Variants in ERC2 observed in about 807,000 individuals in gnomAD.
The protein encoded by ERC2 is ELKS/RAB6-interacting/CAST family member 2, also known as ERC protein 2.
In ERC2, 42 loss-of-function variants were observed where a neutral mutation model predicts 114.8. The ratio of observed to expected loss-of-function variants is 0.37; its 90% confidence interval spans 0.29 to 0.47. ERC2 has a LOEUF of 0.47. ERC2 is among the 20% of genes least tolerant of loss of function. The probability of loss-of-function intolerance (pLI) is 0.99; values close to 1 mark genes in which losing one functional copy is unlikely to be tolerated. For synonymous variants in ERC2, 454 were observed against 425.5 expected, an observed-to-expected ratio of 1.07 and a Z score of -0.82; for missense variants, 939 against 1,150.7, an observed-to-expected ratio of 0.82 and a Z score of 2.66.
At chr3:56,346,076 T>C (rs976157293) in intron 2 of ERC2, among the ~76,000 whole-genome samples, 2 of 152,180 alleles carry the variant, frequency 1.3e-5, no homozygotes, top group African/African-American at 4.8e-5. Flanking sequence ...GATATGAATA[T>C]TTTTGAGGCT....
intron 14 of ERC2, among the ~76,000 whole-genome samples, chr3:55,839,442 A>C (rs2061035459): frequency 2.0e-5 from 3 of 151,948 alleles, no homozygotes; most frequent in African/African-American, 7.2e-5. Flanking sequence ...AAGATATTTT[A>C]TCTCATCATT....
chr3:56,034,539 T>C (rs2074672804), intron 7 of ERC2, among the ~76,000 whole-genome samples: 3 of 152,290 alleles, frequency 2.0e-5, no homozygotes, highest in East Asian at 1.9e-4. Context: ...ACACACACTT[T>C]ACAAGTGCAT....
intron 4 of ERC2, among the ~76,000 whole-genome samples, chr3:56,164,254 T>C (rs1449890010): frequency 5.9e-5 from 9 of 152,154 alleles, no homozygotes; most frequent in African/African-American, 2.2e-4. Flanking sequence ...GTAACTCTTC[T>C]TTCCTCCTTC....
At chr3:55,921,960 C>T (rs1298655815) in intron 13 of ERC2, among the ~76,000 whole-genome samples, 1 of 152,102 alleles carries the variant, frequency 6.6e-6, no homozygotes, top group African/African-American at 2.4e-5. Flanking sequence ...TTGCTAAATT[C>T]TAACGATTGT....
intron 14 of ERC2, among the ~76,000 whole-genome samples, chr3:55,878,024 A>G (rs756025792): frequency 2.5e-4 from 38 of 152,092 alleles, no homozygotes; most frequent in Non-Finnish European, 5.1e-4. Flanking sequence ...AGGAGGTTGG[A>G]AGGCCTGAAT....
At chr3:56,297,610 A>G (rs1333181521) in intron 2 of ERC2, among the ~76,000 whole-genome samples, 1 of 152,212 alleles carries the variant, frequency 6.6e-6, no homozygotes, top group African/African-American at 2.4e-5. Flanking sequence ...TTCTATCCCT[A>G]TGGACAAGCC....
At chr3:55,923,319 G>T (rs889505571) in intron 13 of ERC2, among the ~76,000 whole-genome samples, 7 of 152,078 alleles carry the variant, frequency 4.6e-5, no homozygotes, top group African/African-American at 1.7e-4. Flanking sequence ...CTCATTTGAG[G>T]TACTTAGAGT....
chr3:56,143,055 C>A (rs2080951771), intron 5 of ERC2, among the ~76,000 whole-genome samples: 1 of 152,180 alleles, frequency 6.6e-6, no homozygotes, highest in South Asian at 2.1e-4. Context: ...TCATCTTTTA[C>A]TTGGCTCAAA....
At chr3:55,947,310 T>C (rs1157079717) in intron 13 of ERC2, among the ~76,000 whole-genome samples, 1 of 152,162 alleles carries the variant, frequency 6.6e-6, no homozygotes, top group Admixed American at 6.5e-5. Context: ...AATTTTTCAT[T>C]ATGCATATGC....
chr3:55,857,120 C>A (rs1032392992), intron 14 of ERC2, among the ~76,000 whole-genome samples: 5 of 151,782 alleles, frequency 3.3e-5, no homozygotes, highest in Admixed American at 6.6e-5. Context: ...AATAAATGTA[C>A]CAAAAATCAC....
intron 10 of ERC2, among the ~76,000 whole-genome samples, chr3:56,001,429 G>A (rs1306095337): frequency 6.6e-6 from 1 of 151,940 alleles, no homozygotes; most frequent in Non-Finnish European, 1.5e-5. Context: ...AAAAACAATT[G>A]GACACCAAGA....
intron 17 of ERC2, among the ~76,000 whole-genome samples, chr3:55,625,394 A>G (rs1184816904): frequency 3.3e-5 from 5 of 151,368 alleles, no homozygotes; most frequent in African/African-American, 1.2e-4. Context: ...AAAAAAAGAA[A>G]AGAGAAAGAA....
chr3:56,324,850 C>T (rs555870844), intron 2 of ERC2, among the ~76,000 whole-genome samples: 46 of 152,050 alleles, frequency 3.0e-4, no homozygotes, highest in Non-Finnish European at 6.3e-4. Flanking sequence ...TGCTGTTCTT[C>T]CATCATGCCA....
At chr3:56,428,007 T>C (rs1472157829) in intron 2 of ERC2, among the ~76,000 whole-genome samples, 2 of 152,192 alleles carry the variant, frequency 1.3e-5, no homozygotes, top group Non-Finnish European at 2.9e-5. Context: ...GCACACACTT[T>C]GGAAATACTG....
intron 17 of ERC2, among the ~76,000 whole-genome samples, chr3:55,667,323 T>C (rs1303284928): frequency 6.6e-6 from 1 of 152,246 alleles, no homozygotes; most frequent in Non-Finnish European, 1.5e-5. Flanking sequence ...TAGCACATTG[T>C]AAAAGTGATG....
chr3:55,765,744 C>T (rs1470943219), intron 14 of ERC2, among the ~76,000 whole-genome samples: 5 of 152,098 alleles, frequency 3.3e-5, no homozygotes, highest in Admixed American at 6.5e-5. Context: ...AAAGATGGAC[C>T]GCAGACCAGA....
At chr3:55,586,048 G>C (rs1223034305) in intron 17 of ERC2, among the ~76,000 whole-genome samples, 1 of 152,218 alleles carries the variant, frequency 6.6e-6, no homozygotes, top group Non-Finnish European at 1.5e-5. Flanking sequence ...TCCTGGAGAA[G>C]AGCCTGGGAG....
chr3:55,798,498 T>G (rs2070699308), intron 14 of ERC2, among the ~76,000 whole-genome samples: 2 of 151,666 alleles, frequency 1.3e-5, no homozygotes, highest in East Asian at 3.9e-4. Context: ...CTCGGGCAGC[T>G]GAGGCAGGAT....
chr3:56,209,121 C>T (rs1242598092), intron 3 of ERC2, among the ~76,000 whole-genome samples: 1 of 152,120 alleles, frequency 6.6e-6, no homozygotes, highest in African/African-American at 2.4e-5. Context: ...GCCTTTTTGC[C>T]ACTCTGCCCA....
Sources: gnomAD v4.1 joint callset for allele counts (sites outside exome capture counted in the v4.1 genomes callset) on GRCh38, gnomAD v4.1.1 for gene constraint, MANE v1.5 for transcripts, NCBI Gene and HGNC (gene_info 2026-07-23, HGNC 2026-07-21) for gene names.